The following PTPRD variants were observed in gnomAD, a reference collection of about 807,000 sequenced individuals.
PTPRD encodes receptor-type tyrosine-protein phosphatase delta.
Under a neutral mutation model 214.5 loss-of-function variants are expected in PTPRD, and 34 were observed. The observed-to-expected ratio is 0.16, with a 90% CI of 0.12 to 0.21. The LOEUF (loss-of-function observed/expected upper bound fraction) is 0.21. Ranked by LOEUF, PTPRD falls within the 10% of genes least tolerant of loss-of-function variation. PTPRD has a pLI of 1.00. For missense variants in PTPRD, 2,545 were observed against 2,398.7 expected, an observed-to-expected ratio of 1.06 and a Z score of -1.27; for synonymous variants, 1,128 against 845.7, an observed-to-expected ratio of 1.33 and a Z score of -5.79.
chr9:9,733,445 G>A (rs986403376), intron 7 of PTPRD, among the ~76,000 whole-genome samples: 1 of 152,160 alleles, frequency 6.6e-6, no homozygotes, highest in African/African-American at 2.4e-5. Flanking sequence ...CAACATGACA[G>A]TTTACTATCA....
intron 2 of PTPRD, among the ~76,000 whole-genome samples, chr9:10,556,303 A>G (rs2062576819): frequency 3.3e-5 from 5 of 151,998 alleles, no homozygotes; most frequent in Admixed American, 2.6e-4. Flanking sequence ...TTTACAATGT[A>G]TGTGATCTTA....
chr9:8,727,875 C>T (rs2098602923), intron 12 of PTPRD, among the ~76,000 whole-genome samples: 1 of 152,194 alleles, frequency 6.6e-6, no homozygotes, highest in African/African-American at 2.4e-5. Context: ...CCATAAAGTT[C>T]TCCCATTTAA....
intron 2 of PTPRD, among the ~76,000 whole-genome samples, chr9:10,483,625 A>G (rs1021966870): frequency 3.9e-5 from 6 of 152,146 alleles, no homozygotes; most frequent in Non-Finnish European, 5.9e-5. Flanking sequence ...ATGAATAGAC[A>G]TTTCTTAATA....
intron 11 of PTPRD, among the ~76,000 whole-genome samples, chr9:8,741,462 C>G (rs2033555): frequency 0.62 from 94,303 of 151,216 alleles, 29,870 homozygotes; most frequent in Middle Eastern, 0.73. Flanking sequence ...AGACACTGTA[C>G]AAGTGAGAAA....
At chr9:9,927,699 CTATT>C (rs2084835092) in intron 5 of PTPRD, among the ~76,000 whole-genome samples, 1 of 152,002 alleles carries the variant, frequency 6.6e-6, no homozygotes, top group African/African-American at 2.4e-5. Flanking sequence ...TAATATCTAT[CTATT>C]TTTCCCATAC....
intron 10 of PTPRD, among the ~76,000 whole-genome samples, chr9:9,115,707 TAA>T (rs2099811763): frequency 6.6e-6 from 1 of 152,138 alleles, no homozygotes; most frequent in Admixed American, 6.6e-5. Context: ...AATTCAGTTT[TAA>T]AGACACAGAA....
At chr9:9,825,889 T>C (rs572527038) in intron 5 of PTPRD, among the ~76,000 whole-genome samples, 6 of 151,792 alleles carry the variant, frequency 4.0e-5, no homozygotes, top group African/African-American at 1.4e-4. Flanking sequence ...AAATGACACA[T>C]TTATTCTTTT....
intron 10 of PTPRD, among the ~76,000 whole-genome samples, chr9:9,065,180 TA>T (rs2099724604): frequency 6.6e-6 from 1 of 152,150 alleles, no homozygotes; most frequent in Admixed American, 6.6e-5. Flanking sequence ...GCAAATTAAT[TA>T]AAAAGTGTAT....
chr9:9,038,004 G>A (rs755215750), intron 10 of PTPRD, among the ~76,000 whole-genome samples: 1 of 152,180 alleles, frequency 6.6e-6, no homozygotes, highest in Non-Finnish European at 1.5e-5. Context: ...ACTTCACAGA[G>A]TTGGGTAGAA....
chr9:10,454,060 A>G (rs1332993015), intron 2 of PTPRD, among the ~76,000 whole-genome samples: 1 of 151,624 alleles, frequency 6.6e-6, no homozygotes, highest in Non-Finnish European at 1.5e-5. Context: ...ACCAGTTATT[A>G]ATGCCCTATA....
At chr9:9,483,773 C>T (rs528730832) in intron 8 of PTPRD, among the ~76,000 whole-genome samples, 3 of 150,332 alleles carry the variant, frequency 2.0e-5, no homozygotes, top group African/African-American at 4.9e-5. Context: ...AAAGTAATGT[C>T]TTCTTTCTTT....
chr9:8,840,862 C>A (rs1158469968), intron 11 of PTPRD, among the ~76,000 whole-genome samples: 2 of 152,162 alleles, frequency 1.3e-5, no homozygotes, highest in Non-Finnish European at 2.9e-5. Flanking sequence ...CAATACTGTA[C>A]TGGCTCTGGT....
chr9:9,226,191 T>C (rs1294715270), intron 9 of PTPRD, among the ~76,000 whole-genome samples: 1 of 151,688 alleles, frequency 6.6e-6, no homozygotes, highest in East Asian at 1.9e-4. Context: ...CTAGGTAGCT[T>C]TACTTTGGGA....
At chr9:10,015,413 T>C (rs1011107408) in intron 4 of PTPRD, among the ~76,000 whole-genome samples, 1 of 54,352 alleles carries the variant, frequency 1.8e-5, no homozygotes, top group African/African-American at 3.3e-5. Flanking sequence ...TATGTGAAAA[T>C]AATTTACACT....
chr9:9,843,129 A>G (rs1306383829), intron 5 of PTPRD, among the ~76,000 whole-genome samples: 2 of 152,080 alleles, frequency 1.3e-5, no homozygotes, highest in Non-Finnish European at 2.9e-5. Context: ...AGTTGTTACA[A>G]CAGAAACCTT....
At chr9:9,847,173 CCT>C (rs2059694971) in intron 5 of PTPRD, among the ~76,000 whole-genome samples, 1 of 151,610 alleles carries the variant, frequency 6.6e-6, no homozygotes, top group African/African-American at 2.4e-5. Flanking sequence ...AAAATTAAGC[CCT>C]GTTTTTCTTT....
intron 2 of PTPRD, among the ~76,000 whole-genome samples, chr9:10,486,375 G>T (rs1484243487): frequency 6.6e-6 from 1 of 152,040 alleles, no homozygotes; most frequent in Non-Finnish European, 1.5e-5. Flanking sequence ...TAAGGAAGGG[G>T]TCCAATTTCA....
intron 5 of PTPRD, among the ~76,000 whole-genome samples, chr9:9,926,063 C>T (rs1206950600): frequency 6.6e-6 from 1 of 152,026 alleles, no homozygotes; most frequent in African/African-American, 2.4e-5. Flanking sequence ...CTCCCAGGCT[C>T]AAGCGATCCT....
At chr9:10,516,313 T>C (rs978512988) in intron 2 of PTPRD, among the ~76,000 whole-genome samples, 4 of 151,944 alleles carry the variant, frequency 2.6e-5, no homozygotes, top group African/African-American at 7.2e-5. Context: ...TTTGCACTTC[T>C]TGACAATTAG....
Sources: allele counts gnomAD v4.1 joint callset (sites outside exome capture counted in the v4.1 genomes callset), GRCh38; gene constraint gnomAD v4.1.1; transcripts MANE v1.5; gene names NCBI Gene and HGNC (gene_info 2026-07-23, HGNC 2026-07-21).